The following ATP2B4 variants were observed in gnomAD, a reference collection of about 807,000 sequenced individuals.
ATP2B4 encodes plasma membrane calcium-transporting ATPase 4.
ATP2B4 carries 39 observed loss-of-function variants against 110.3 expected under a neutral mutation model. That is an observed-to-expected ratio of 0.35 (90% CI 0.27 to 0.46). The LOEUF is 0.46. Ranked by LOEUF, ATP2B4 falls within the 20% of genes least tolerant of loss-of-function variation. The pLI, the probability that ATP2B4 is intolerant of heterozygous loss-of-function variation, is 1.00. For synonymous variants in ATP2B4, 538 were observed against 571.7 expected (o/e 0.94, Z 0.84); for missense variants, 1,135 against 1,530.9 (o/e 0.74, Z 4.32).
chr1:203,681,175 T>C (rs968596790), intron 1 of ATP2B4, among the ~76,000 whole-genome samples: 1 of 152,226 alleles, frequency 6.6e-6, no homozygotes, highest in Non-Finnish European at 1.5e-5. Context: ...CTTAACTCTT[T>C]GTAAGTCAGA....
intron 18 of ATP2B4, among the ~76,000 whole-genome samples, chr1:203,723,474 C>T (rs1303021606): frequency 6.9e-6 from 1 of 145,284 alleles, no homozygotes; most frequent in Non-Finnish European, 1.5e-5. Context: ...CTGCCTCTCT[C>T]TCTCTCTCTC....
chr1:203,658,876 T>C (rs1278914964), intron 1 of ATP2B4, among the ~76,000 whole-genome samples: 1 of 151,572 alleles, frequency 6.6e-6, no homozygotes, highest in Non-Finnish European at 1.5e-5. Context: ...TGGTGGTGTG[T>C]GCCTGTAATC....
intron 1 of ATP2B4, among the ~76,000 whole-genome samples, chr1:203,679,783 G>C (rs2102356710): frequency 6.6e-6 from 1 of 152,280 alleles, no homozygotes; most frequent in East Asian, 1.9e-4. Context: ...TTGGGAGACT[G>C]AGGCAGGAGA....
rs763740976 is a variant in ATP2B4 at position 203,683,194 on chromosome 1, A to G, written c.-12A>G. On this transcript the variant is annotated 5_prime_UTR_variant, in exon 2 of 21. Transcript: ENST00000357681. ...TCTTCTCTGGTTGAGGGGCTTGGTA[A>G]CAGCAGGCAAAATGACGAACCCATC... The G allele has an allele frequency of 6.2e-7, 1 of 1,611,446 alleles. No homozygotes were observed. Among genetic ancestry groups the G allele is most frequent in the Non-Finnish European group, 8.5e-7 (1 of 1,178,322 alleles).
At chr1:203,711,237 T>C in intron 12 of ATP2B4, 129 bp downstream of exon 12, 1 of 800,868 alleles carries the variant, frequency 1.2e-6, no homozygotes, top group Non-Finnish European at 2.0e-6. Flanking sequence ...GCTTCCTGCT[T>C]CACAGGACTG....
At chr1:203,674,419 A>G (rs1431774398) in intron 1 of ATP2B4, among the ~76,000 whole-genome samples, 3 of 152,108 alleles carry the variant, frequency 2.0e-5, no homozygotes, top group Non-Finnish European at 4.4e-5. Context: ...GACTCACACA[A>G]TTTGAAAGAG....
At chr1:203,687,118 C>T (rs1665217690) in intron 2 of ATP2B4, among the ~76,000 whole-genome samples, 1 of 150,754 alleles carries the variant, frequency 6.6e-6, no homozygotes, top group Admixed American at 6.7e-5. Flanking sequence ...TAAGAGTTAC[C>T]ATAGGGCTTG....
At chr1:203,660,428 G>A (rs1043993757) in intron 1 of ATP2B4, among the ~76,000 whole-genome samples, 1 of 149,832 alleles carries the variant, frequency 6.7e-6, no homozygotes, top group East Asian at 2.0e-4. Context: ...GGGTGGTGGA[G>A]ATAAAAAATG....
chr1:203,698,073 C>G (rs115915776), intron 2 of ATP2B4, 84 bp from the exon 3 acceptor site: 450 of 1,185,868 alleles, frequency 3.8e-4, no homozygotes, highest in Non-Finnish European at 5.0e-4. Flanking sequence ...ATGACATGAT[C>G]ATGGCTCACT....
rs374604837 is a variant in ATP2B4 at position 203,710,866 on chromosome 1, C to A, written c.1800-11C>A. Reference sequence around the variant, plus strand: ...AGGGAGACACCGCGTTCTTACTGTGCGCCTCCCCAGGTGTAATCGAATCCT... The same window carrying A: ...AGGGAGACACCGCGTTCTTACTGTGAGCCTCCCCAGGTGTAATCGAATCCT... On this transcript the variant is annotated splice_polypyrimidine_tract_variant and intron_variant, in intron 11 of 20. Coordinates refer to ENST00000357681, the MANE Select transcript of ATP2B4 (RefSeq NM_001684.5). The A allele has an allele frequency of 2.5e-6, 4 of 1,590,488 alleles. No individual in the cohort carries two copies. Among genetic ancestry groups the A allele is most frequent in the Admixed American group, 3.4e-5 (2 of 59,034 alleles).
chr1:203,712,881 A>T (rs982860797), intron 13 of ATP2B4, among the ~76,000 whole-genome samples: 3 of 152,064 alleles, frequency 2.0e-5, no homozygotes, highest in Non-Finnish European at 2.9e-5. Flanking sequence ...CCAACAGCCA[A>T]CCCTGGCCCA....
intron 1 of ATP2B4, chr1:203,657,513 T>A: frequency 1.3e-6 from 1 of 795,174 alleles, no homozygotes; most frequent in Non-Finnish European, 2.3e-6. Flanking sequence ...AGTCTTTTCA[T>A]CCTTCTTTTG....
At chr1:203,657,316 T>G in intron 1 of ATP2B4, 1 of 741,502 alleles carries the variant, frequency 1.3e-6, no homozygotes, top group Non-Finnish European at 2.5e-6. Context: ...TTCCATGCCT[T>G]CTTCTTTCTC....
chr1:203,650,882 A>G (rs995881515), intron 1 of ATP2B4, among the ~76,000 whole-genome samples: 5 of 152,180 alleles, frequency 3.3e-5, no homozygotes, highest in African/African-American at 1.2e-4. Flanking sequence ...AAGTTGATTG[A>G]TATTTTTTTA....
At chr1:203,708,474 C>T (rs1479374540) in intron 10 of ATP2B4, among the ~76,000 whole-genome samples, 1 of 152,108 alleles carries the variant, frequency 6.6e-6, no homozygotes, top group East Asian at 1.9e-4. Flanking sequence ...GGCGAGACAC[C>T]AGCACTACCA....
At chr1:203,630,548 A>G (rs1663237853) in intron 1 of ATP2B4, among the ~76,000 whole-genome samples, 1 of 152,052 alleles carries the variant, frequency 6.6e-6, no homozygotes, top group African/African-American at 2.4e-5. Flanking sequence ...AAACCCCTAA[A>G]AAACTGTTTG....
chr1:203,633,532 G>A (rs1485082132), intron 1 of ATP2B4, among the ~76,000 whole-genome samples: 1 of 152,178 alleles, frequency 6.6e-6, no homozygotes, highest in Admixed American at 6.5e-5. Flanking sequence ...GGGAAGCCCA[G>A]GCAGGTGGAT....
intron 20 of ATP2B4, among the ~76,000 whole-genome samples, chr1:203,732,511 A>G (rs1317662679): frequency 1.3e-5 from 2 of 152,180 alleles, no homozygotes; most frequent in African/African-American, 4.8e-5. Context: ...TGAGCCCAGC[A>G]ACTCATGGCC....
Position 203,683,383 on chromosome 1 carries a change from A to G in ATP2B4, c.178A>G (p.Thr60Ala). 6.2e-7 allele frequency: 1 copy of G among 1,602,596 alleles called. No homozygotes were observed. The highest frequency in any genetic ancestry group is 8.5e-7 in the Non-Finnish European group (1 of 1,173,492). The change falls in exon 2 of 21, where the codon ACC becomes GCC. Residue 60 changes from threonine (T) to alanine (A), a missense_variant. By Grantham distance (58) the Thr-to-Ala change is moderately conservative. Coordinates refer to ENST00000357681, the MANE Select transcript of ATP2B4 (RefSeq NM_001684.5). ...GVQNLCSRLKTSPVEGLSGNP... is the reference protein window; with the variant it reads ...GVQNLCSRLKASPVEGLSGNP... Reference sequence around the variant, plus strand: ...ACAGAATCTCTGCAGTAGACTGAAAACCTCCCCTGTGGAAGGTAAAGGCCA... The same window carrying G: ...ACAGAATCTCTGCAGTAGACTGAAAGCCTCCCCTGTGGAAGGTAAAGGCCA...
Sources: allele counts gnomAD v4.1 joint callset (sites outside exome capture counted in the v4.1 genomes callset), GRCh38; gene constraint gnomAD v4.1.1; transcripts MANE v1.5; gene names NCBI Gene and HGNC (gene_info 2026-07-23, HGNC 2026-07-21).